CCDC12: variants seen among roughly 807,000 people sequenced by gnomAD.
CCDC12 encodes the protein coiled-coil domain containing 12.
A neutral mutation model predicts 25.7 loss-of-function variants in CCDC12; 28 were observed. The ratio of observed to expected loss-of-function variants is 1.09; its 90% CI spans 0.81 to 1.50. The LOEUF (loss-of-function observed/expected upper bound fraction) is 1.50. Ranked by LOEUF, CCDC12 falls within the 40% of genes most tolerant of loss-of-function variation. CCDC12 has a pLI of 0.00. For synonymous variants in CCDC12, 75 were observed against 87.7 expected, an observed-to-expected ratio of 0.86 and a Z score of 0.81; for missense variants, 198 against 210.0, an observed-to-expected ratio of 0.94 and a Z score of 0.35.
At chr3:46,974,292 G>C (rs2034899246) in intron 1 of CCDC12, among the ~76,000 whole-genome samples, 1 of 152,188 alleles carries the variant, frequency 6.6e-6, no homozygotes, top group African/African-American at 2.4e-5. Context: ...ATAGTAAATT[G>C]TATGTGTATT....
Position 46,922,321 on chromosome 3 carries a change from G to A in CCDC12, c.342-9C>T, listed in dbSNP as rs746932844. 2.5e-6 allele frequency: 4 copies of A among 1,614,044 alleles called. No homozygotes were observed. The Admixed American group carries it at 6.7e-5, about 27-fold the overall frequency. On this transcript the variant is annotated splice_polypyrimidine_tract_variant and intron_variant, in intron 5 of 6. Coordinates refer to ENST00000683445, the MANE Select transcript of CCDC12 (RefSeq NM_001277074.2). ...CATCTCTCTTGAGGTCCCTGGAGCA[G>A]GGAGGCAGGGAGAAGCAGGAAGGTG...
intron 3 of CCDC12, among the ~76,000 whole-genome samples, chr3:46,924,328 T>G (rs2107101411): frequency 6.6e-6 from 1 of 152,342 alleles, no homozygotes; most frequent in Non-Finnish European, 1.5e-5. Flanking sequence ...GGGCTTCCCC[T>G]GACCTGGGCA....
chr3:46,935,985 T>G (rs2033426344), intron 2 of CCDC12, among the ~76,000 whole-genome samples: 1 of 152,184 alleles, frequency 6.6e-6, no homozygotes, highest in Non-Finnish European at 1.5e-5. Flanking sequence ...TTAGAATAGC[T>G]AACATAATTC....
chr3:46,956,324 C>G (rs2034287056), intron 1 of CCDC12, among the ~76,000 whole-genome samples: 1 of 152,164 alleles, frequency 6.6e-6, no homozygotes, highest in African/African-American at 2.4e-5. Context: ...TTCAAAGAGC[C>G]CACCTACTCC....
At position 46,940,784 on chromosome 3, in the gene CCDC12, GC is replaced by G. The variant is rs2033669336; in HGVS notation, c.164+213del. 22 of 589,316 alleles carry G rather than the reference GC, an allele frequency of 3.7e-5. 1 individual carries two copies. The South Asian group carries it at 4.9e-4, about 13-fold the overall frequency. The allele number at this position is 589,316 out of a possible 1,614,324, so 36.5% of individuals were successfully genotyped here. A position where few individuals can be genotyped will look rare whatever the true frequency, so the allele number is the denominator to read the frequency against. ...AGAAAATGCTGGGGGCTGAGTAACA[GC>G]CAAATGGAAAATGAGGGAAAGGAGG... is the stretch of plus-strand genomic sequence containing the variant. On this transcript the variant is annotated intron_variant, in intron 2 of 6. Coordinates refer to ENST00000683445, the MANE Select transcript of CCDC12 (RefSeq NM_001277074.2).
intron 2 of CCDC12, among the ~76,000 whole-genome samples, chr3:46,939,843 A>G (rs2107135454): frequency 6.6e-6 from 1 of 152,220 alleles, no homozygotes; most frequent in South Asian, 2.1e-4. Context: ...GGGAGGTTCT[A>G]CTCATACTGG....
At position 46,923,611 on chromosome 3, in the gene CCDC12, T is replaced by C; in HGVS notation, c.302A>G (p.Glu101Gly). ...EAAKPEPVIE[E>G]VDLANLAPRK... ...CAGGGTGGTCCAGGCACTCACCACC[T>C]CCTCGATGACGGGCTCGGGCTTGGC... Residue 101 changes from glutamate (E) to glycine (G), a missense_variant, in exon 4 of 7, where the codon GAG (glutamate) becomes GGG (glycine). Transcript: ENST00000683445. The C allele has an allele frequency of 6.2e-7, 1 of 1,601,456 alleles. No individual in the cohort carries two copies. The highest frequency in any genetic ancestry group is 8.5e-7 in the Non-Finnish European group (1 of 1,173,512).
intron 1 of CCDC12, among the ~76,000 whole-genome samples, chr3:46,957,398 CTCTT>C (rs1047475846): frequency 5.3e-5 from 8 of 152,098 alleles, no homozygotes; most frequent in African/African-American, 1.7e-4. Flanking sequence ...AAGGCTGGCT[CTCTT>C]TCTTTTTAAT....
intron 1 of CCDC12, among the ~76,000 whole-genome samples, chr3:46,944,109 C>A (rs1162642998): frequency 6.6e-6 from 1 of 152,188 alleles, no homozygotes; most frequent in African/African-American, 2.4e-5. Flanking sequence ...GAGCCTCAGA[C>A]CTGGAGGGCT....
chr3:46,953,335 AG>A (rs1206520890), intron 1 of CCDC12, among the ~76,000 whole-genome samples: 4 of 152,130 alleles, frequency 2.6e-5, no homozygotes, highest in Non-Finnish European at 4.4e-5. Flanking sequence ...CACAAACGCC[AG>A]GGGTAAGAGT....
At chr3:46,974,507 G>A (rs1247785139) in intron 1 of CCDC12, among the ~76,000 whole-genome samples, 1 of 152,022 alleles carries the variant, frequency 6.6e-6, no homozygotes, top group East Asian at 1.9e-4. Flanking sequence ...GAACAGCTCA[G>A]GTGAACTAGC....
chr3:46,953,615 C>G (rs1292359600), intron 1 of CCDC12, among the ~76,000 whole-genome samples: 4 of 150,730 alleles, frequency 2.7e-5, no homozygotes, highest in Non-Finnish European at 4.4e-5. Flanking sequence ...CTGACACAGC[C>G]TTGTCAATGC....
chr3:46,938,518 GTTTTTTTT>G (rs66474878), intron 2 of CCDC12, among the ~76,000 whole-genome samples: 2 of 91,380 alleles, frequency 2.2e-5, no homozygotes, highest in African/African-American at 8.4e-5. Flanking sequence ...TTCCCCTCCT[GTTTTTTTT>G]TTTTTTTTTT....
intron 2 of CCDC12, among the ~76,000 whole-genome samples, chr3:46,938,278 A>T (rs896009022): frequency 6.6e-6 from 1 of 152,100 alleles, no homozygotes; most frequent in South Asian, 2.1e-4. Flanking sequence ...CTCCACTACA[A>T]ATGACCTGTA....
intron 2 of CCDC12, among the ~76,000 whole-genome samples, chr3:46,927,880 C>CA (rs2033035333): frequency 6.6e-6 from 1 of 152,192 alleles, no homozygotes; most frequent in Non-Finnish European, 1.5e-5. Flanking sequence ...CCCTAATGCC[C>CA]ACTTAACTGC....
chr3:46,937,496 A>G (rs1225877685), intron 2 of CCDC12, among the ~76,000 whole-genome samples: 3 of 152,186 alleles, frequency 2.0e-5, no homozygotes, highest in Non-Finnish European at 2.9e-5. Flanking sequence ...GCCTCCCAGC[A>G]GCCGAGGAAG....
chr3:46,966,219 A>AGAAC (rs1349252405), intron 1 of CCDC12: 1 of 152,540 alleles, frequency 6.6e-6, no homozygotes, highest in East Asian at 1.9e-4. Context: ...AAAGAAAGAA[A>AGAAC]GAAAGAAAGC....
chr3:46,969,376 G>A (rs1012656041), intron 1 of CCDC12, among the ~76,000 whole-genome samples: 7 of 152,090 alleles, frequency 4.6e-5, no homozygotes, highest in African/African-American at 1.4e-4. Context: ...CTGCAGGAGC[G>A]GGCCACCATG....
At position 46,922,589 on chromosome 3, in the gene CCDC12, C is replaced by T. The variant is rs532937795; in HGVS notation, c.342-277G>A. 1.7e-4 allele frequency: 88 copies of T among 513,000 alleles called. 1 individual carries two copies. Among genetic ancestry groups the T allele is most frequent in the Admixed American group, 1.7e-3 (50 of 30,052 alleles). The allele number at this position is 513,000 out of a possible 1,614,324, so 31.8% of individuals were successfully genotyped here. On this transcript the variant is annotated intron_variant, in intron 5 of 6. Transcript: ENST00000683445. ...AAAGGTGGATGGTTTCTCAGAGACCCTCTCTTGCTCTGGTCCTCTGGTCAC... is the reference window on the plus strand; with the variant it reads ...AAAGGTGGATGGTTTCTCAGAGACCTTCTCTTGCTCTGGTCCTCTGGTCAC...
Sources: gnomAD v4.1 joint callset for allele counts (sites outside exome capture counted in the v4.1 genomes callset) on GRCh38, gnomAD v4.1.1 for gene constraint, MANE v1.5 for transcripts, NCBI Gene and HGNC (gene_info 2026-07-23, HGNC 2026-07-21) for gene names.